ELMO1: variants seen among roughly 807,000 people sequenced by gnomAD.
The protein encoded by ELMO1 is engulfment and cell motility 1.
In ELMO1, 26 loss-of-function variants were observed where a neutral mutation model predicts 98.9. The observed-to-expected ratio is 0.26, with a 90% CI of 0.19 to 0.36. The LOEUF (loss-of-function observed/expected upper bound fraction) is 0.36, where lower values mean the gene tolerates loss of function less well. ELMO1 is among the 10% of genes least tolerant of loss of function. The pLI is 1.00. For missense variants in ELMO1, 627 were observed against 935.2 expected (o/e 0.67, Z 4.30); for synonymous variants, 346 against 346.0 (o/e 1.00, Z 0.00).
chr7:37,249,641 A>T (rs1795229166), intron 6 of ELMO1, among the ~76,000 whole-genome samples: 1 of 152,236 alleles, frequency 6.6e-6, no homozygotes, highest in South Asian at 2.1e-4. Context: ...GGTAAAGTAT[A>T]AATTAGAACA....
At chr7:36,923,687 AACTTCT>A (rs1292641537) in intron 16 of ELMO1, among the ~76,000 whole-genome samples, 1 of 152,208 alleles carries the variant, frequency 6.6e-6, no homozygotes, top group Non-Finnish European at 1.5e-5. Flanking sequence ...TCATTCAGGG[AACTTCT>A]ACTTTGTACC....
At chr7:37,052,544 C>T (rs1166726060) in intron 15 of ELMO1, among the ~76,000 whole-genome samples, 1 of 152,120 alleles carries the variant, frequency 6.6e-6, no homozygotes, top group East Asian at 1.9e-4. Flanking sequence ...TGAATGTATA[C>T]CATGGGACGA....
Position 37,392,541 on chromosome 7 carries a change from G to A in ELMO1, c.-73-49778C>T, listed in dbSNP as rs377043314. ...AATCTGAGCAAATTGGCGCTGCTAG[G>A]CTACCCCAGCTCTATACAAGGGAGG... On this transcript the variant is annotated intron_variant, in intron 1 of 21. Transcript: ENST00000310758. Among the ~76,000 whole-genome samples the A allele has an allele frequency of 5.9e-5, 9 of 152,276 alleles. No individual in the cohort carries two copies. In the South Asian group the frequency reaches 8.3e-4, roughly 14 times the overall value.
chr7:36,941,116 C>T (rs1160568963), intron 16 of ELMO1, among the ~76,000 whole-genome samples: 1 of 152,338 alleles, frequency 6.6e-6, no homozygotes, highest in Non-Finnish European at 1.5e-5. Flanking sequence ...AATTCCATCA[C>T]TTCTTATCCA....
intron 7 of ELMO1, among the ~76,000 whole-genome samples, chr7:37,235,708 G>A (rs1474848656): frequency 1.3e-5 from 2 of 152,234 alleles, no homozygotes. Context: ...TGAGGCAGGC[G>A]CATCACCTGA....
intron 16 of ELMO1, among the ~76,000 whole-genome samples, chr7:36,990,189 AT>A (rs199955954): frequency 3.3e-5 from 5 of 152,182 alleles, no homozygotes; most frequent in Admixed American, 6.5e-5. Flanking sequence ...TGGGTGCTCT[AT>A]TTAGTTAACC....
At chr7:37,422,094 T>G (rs1276639935) in intron 1 of ELMO1, among the ~76,000 whole-genome samples, 1 of 152,252 alleles carries the variant, frequency 6.6e-6, no homozygotes, top group Non-Finnish European at 1.5e-5. Context: ...CTCTCATGTT[T>G]AGAACATCTG....
intron 16 of ELMO1, among the ~76,000 whole-genome samples, chr7:37,008,238 G>A (rs548222977): frequency 9.2e-5 from 14 of 152,260 alleles, no homozygotes; most frequent in African/African-American, 3.4e-4. Flanking sequence ...AAGAGATCTG[G>A]GCAACTAGTA....
chr7:36,953,192 T>C (rs1368618718), intron 16 of ELMO1, among the ~76,000 whole-genome samples: 1 of 152,100 alleles, frequency 6.6e-6, no homozygotes, highest in Non-Finnish European at 1.5e-5. Context: ...GATATCGATC[T>C]CCTGACATCG....
chr7:37,089,095 G>T (rs2129245527), intron 15 of ELMO1, among the ~76,000 whole-genome samples: 1 of 152,246 alleles, frequency 6.6e-6, no homozygotes, highest in East Asian at 1.9e-4. Flanking sequence ...AGTGACGGAT[G>T]GTACTTCTCA....
intron 13 of ELMO1, among the ~76,000 whole-genome samples, chr7:37,190,107 C>A (rs1347218234): frequency 1.3e-5 from 2 of 149,418 alleles, no homozygotes; most frequent in African/African-American, 4.9e-5. Context: ...GAAAGAACAG[C>A]AGCAAAGGCT....
intron 14 of ELMO1, among the ~76,000 whole-genome samples, chr7:37,106,028 T>C (rs1226994059): frequency 6.6e-6 from 1 of 152,226 alleles, no homozygotes; most frequent in Non-Finnish European, 1.5e-5. Flanking sequence ...TTATGGTATA[T>C]GCACTTCATC....
intron 1 of ELMO1, among the ~76,000 whole-genome samples, chr7:37,406,594 T>A (rs1803775750): frequency 6.6e-6 from 1 of 151,816 alleles, no homozygotes; most frequent in African/African-American, 2.4e-5. Flanking sequence ...CACGCCCGGA[T>A]AATTTTTTTG....
chr7:37,015,474 C>G (rs772341546), intron 15 of ELMO1, among the ~76,000 whole-genome samples: 1 of 151,884 alleles, frequency 6.6e-6, no homozygotes, highest in Admixed American at 6.6e-5. Flanking sequence ...GGTGGCATGC[C>G]GCTGTAGTCC....
chr7:37,331,353 TTTGG>T (rs1800105323), intron 2 of ELMO1, among the ~76,000 whole-genome samples: 1 of 103,096 alleles, frequency 9.7e-6, no homozygotes, highest in African/African-American at 3.7e-5. Context: ...TTTTTTTTTT[TTTGG>T]AATTTTAGTA....
intron 13 of ELMO1, among the ~76,000 whole-genome samples, chr7:37,139,389 T>G (rs1787469579): frequency 1.3e-5 from 2 of 152,142 alleles, no homozygotes; most frequent in South Asian, 4.1e-4. Context: ...GATACAAAAT[T>G]AATGTATGCC....
At chr7:37,260,477 T>C (rs1241767097) in intron 5 of ELMO1, among the ~76,000 whole-genome samples, 1 of 152,106 alleles carries the variant, frequency 6.6e-6, no homozygotes, top group Non-Finnish European at 1.5e-5. Context: ...CCACAGACTC[T>C]GCCTGGAATA....
intron 16 of ELMO1, among the ~76,000 whole-genome samples, chr7:37,000,788 C>T (rs891054567): frequency 6.6e-6 from 1 of 151,994 alleles, no homozygotes; most frequent in Non-Finnish European, 1.5e-5. Flanking sequence ...GTTATTTTTC[C>T]CACTGGCCTG....
chr7:36,897,334 G>GTGTGTGTGTGTGTGTGTGTGTGTGTA lies in ELMO1; in HGVS notation c.1438-2318_1438-2317insTACACACACACACACACACACACACA, dbSNP rs1199705124. 9.8e-5 allele frequency among the ~76,000 whole-genome samples: 14 copies of GTGTGTGTGTGTGTGTGTGTGTGTGTA among 143,084 alleles called. No homozygotes were observed. In the East Asian group the frequency reaches 1.2e-3, roughly 12 times the overall value. 93.9% of individuals were successfully genotyped at this position (143,084 alleles called of 152,430 possible). A position where few individuals can be genotyped will look rare whatever the true frequency, so the allele number is the denominator to read the frequency against. On this transcript the variant is annotated intron_variant, in intron 16 of 21. Transcript: ENST00000310758. ...GGACAAAGAAAACAGACGTGTGTGT[G>GTGTGTGTGTGTGTGTGTGTGTGTGTA]TGTGTGTGTGTGTGTGAAAGAGTGT...
Sources: gnomAD v4.1 joint callset for allele counts (sites outside exome capture counted in the v4.1 genomes callset) on GRCh38, gnomAD v4.1.1 for gene constraint, MANE v1.5 for transcripts, NCBI Gene and HGNC (gene_info 2026-07-23, HGNC 2026-07-21) for gene names.